The following R3HDM1 variants were observed in gnomAD, a reference collection of about 807,000 sequenced individuals.
R3HDM1 encodes R3H domain containing 1.
A neutral mutation model predicts 141.1 loss-of-function variants in R3HDM1; 46 were observed. The ratio of observed to expected loss-of-function variants is 0.33; its 90% CI spans 0.26 to 0.42. R3HDM1 has a LOEUF of 0.42. R3HDM1 is among the 10% of genes least tolerant of loss of function. The pLI is 1.00. For synonymous variants in R3HDM1, 435 were observed against 472.9 expected (o/e 0.92, Z 1.04); for missense variants, 1,184 against 1,368.3 (o/e 0.87, Z 2.12).
At chr2:135,551,652 T>C (rs1699873713) in intron 1 of R3HDM1, among the ~76,000 whole-genome samples, 1 of 152,238 alleles carries the variant, frequency 6.6e-6, no homozygotes, top group Admixed American at 6.5e-5. Context: ...AAGTAGTATA[T>C]AATTTATAGT....
chr2:135,597,998 T>C (rs1312574912), intron 1 of R3HDM1, among the ~76,000 whole-genome samples: 1 of 152,204 alleles, frequency 6.6e-6, no homozygotes, highest in Non-Finnish European at 1.5e-5. Flanking sequence ...CAGTATTGCA[T>C]TTTTGTTGTT....
At chr2:135,706,531 G>T (rs1034092116) in intron 21 of R3HDM1, among the ~76,000 whole-genome samples, 2 of 152,116 alleles carry the variant, frequency 1.3e-5, no homozygotes, top group African/African-American at 4.8e-5. Flanking sequence ...GCGGCCTTAC[G>T]CAGTGTTTGT....
At chr2:135,541,851 TA>T (rs10558924) in intron 1 of R3HDM1, among the ~76,000 whole-genome samples, 10,910 of 121,832 alleles carry the variant, frequency 0.09, 1,160 homozygotes, top group African/African-American at 0.26. Flanking sequence ...TTCAATTTGT[TA>T]AAAAAAAAAA....
At chr2:135,710,297 AG>A in intron 23 of R3HDM1, 66 bp downstream of exon 23, 1 of 1,491,448 alleles carries the variant, frequency 6.7e-7, no homozygotes, top group East Asian at 2.3e-5. Context: ...TTGACTTATA[AG>A]GCTTGAATTT....
intron 1 of R3HDM1, among the ~76,000 whole-genome samples, chr2:135,597,705 T>G (rs550549245): frequency 1.1e-4 from 16 of 152,336 alleles, no homozygotes; most frequent in African/African-American, 3.4e-4. Context: ...CCCTTTTTTT[T>G]GGGCTTTGCC....
chr2:135,634,266 C>A (rs1047588328), intron 9 of R3HDM1, among the ~76,000 whole-genome samples: 14 of 152,092 alleles, frequency 9.2e-5, no homozygotes, highest in Non-Finnish European at 2.9e-5. Flanking sequence ...CACTTTTAAT[C>A]TCCTTTTGCA....
chr2:135,721,616 C>G (rs2076702355), intron 24 of R3HDM1: 1 of 193,246 alleles, frequency 5.2e-6, no homozygotes, highest in Non-Finnish European at 1.1e-5. Flanking sequence ...GAGACAGTCT[C>G]TCACTCCGTC....
At chr2:135,708,315 A>C (rs998610569) in intron 21 of R3HDM1, among the ~76,000 whole-genome samples, 1 of 152,172 alleles carries the variant, frequency 6.6e-6, no homozygotes, top group African/African-American at 2.4e-5. Flanking sequence ...ATGTTTTTAC[A>C]CATTTGTCTT....
chr2:135,577,008 T>C (rs1316332693), intron 1 of R3HDM1: 1 of 679,322 alleles, frequency 1.5e-6, no homozygotes, highest in Non-Finnish European at 1.8e-6. Context: ...GAATGTATGC[T>C]ATATAAATTA....
At chr2:135,562,576 C>T (rs964159955) in intron 1 of R3HDM1, among the ~76,000 whole-genome samples, 2 of 152,222 alleles carry the variant, frequency 1.3e-5, no homozygotes, top group East Asian at 3.9e-4. Flanking sequence ...ATTGAGAGTT[C>T]ACTTACCAAT....
chr2:135,654,647 C>T (rs1445621262), intron 18 of R3HDM1, among the ~76,000 whole-genome samples: 1 of 152,002 alleles, frequency 6.6e-6, no homozygotes, highest in East Asian at 1.9e-4. Context: ...CGGGGTTTCA[C>T]CATGTTGGCC....
intron 1 of R3HDM1, among the ~76,000 whole-genome samples, chr2:135,600,098 G>A (rs1331653305): frequency 1.4e-5 from 2 of 142,344 alleles, no homozygotes; most frequent in African/African-American, 5.2e-5. Flanking sequence ...TACAAAGTTC[G>A]TATGATTTTT....
chr2:135,605,002 A>C lies in R3HDM1; in HGVS notation c.157A>C (p.Asn53His). The C allele has an allele frequency of 6.3e-7, 1 of 1,598,178 alleles. No individual in the cohort carries two copies. Among genetic ancestry groups the C allele is most frequent in the Non-Finnish European group, 8.5e-7 (1 of 1,169,878 alleles). The change falls in exon 3 of 27, where the codon AAT (asparagine) becomes CAT (histidine). Residue 53 changes from asparagine to histidine, a missense_variant. Asn to His is a moderately conservative substitution (Grantham distance 68). Around this residue, in one of 5 missense-constraint regions of R3HDM1, gnomAD observed 192 missense variants for 215.7 expected, o/e 0.89. Transcript: ENST00000683871. ...GAAGAATGAACATTGTATTGAGAAC[A>C]ATATAGATTTGCAGGTAAACAGGAA... ...VEKNEHCIEN[N>H]IDLQRPLQSF...
At chr2:135,702,678 A>T (rs1420283578) in intron 21 of R3HDM1, among the ~76,000 whole-genome samples, 1 of 150,802 alleles carries the variant, frequency 6.6e-6, no homozygotes, top group Non-Finnish European at 1.5e-5. Flanking sequence ...AATATCAGGC[A>T]TGGTGATGTG....
intron 5 of R3HDM1, among the ~76,000 whole-genome samples, chr2:135,618,541 T>C (rs917374089): frequency 6.6e-6 from 1 of 151,586 alleles, no homozygotes; most frequent in African/African-American, 2.4e-5. Flanking sequence ...AGATGCATTT[T>C]AGCAATGAAA....
chr2:135,684,427 G>A (rs1376338835), intron 21 of R3HDM1, among the ~76,000 whole-genome samples: 1 of 152,138 alleles, frequency 6.6e-6, no homozygotes. Flanking sequence ...GCTTGCACAT[G>A]TGTATATGTA....
chr2:135,612,632 A>T (rs2060652241), intron 3 of R3HDM1, among the ~76,000 whole-genome samples: 2 of 152,168 alleles, frequency 1.3e-5, no homozygotes, highest in Admixed American at 6.6e-5. Flanking sequence ...AAACAATGTA[A>T]ATTATAAATT....
chr2:135,713,893 A>G (rs2105448768), intron 23 of R3HDM1, among the ~76,000 whole-genome samples: 1 of 152,368 alleles, frequency 6.6e-6, no homozygotes, highest in South Asian at 2.1e-4. Context: ...ATGATCATCC[A>G]TAGAATAAAA....
intron 21 of R3HDM1, among the ~76,000 whole-genome samples, chr2:135,699,035 A>AT (rs745595308): frequency 0.058 from 6,147 of 106,146 alleles, 232 homozygotes; most frequent in South Asian, 0.11. Flanking sequence ...AGATAGATAG[A>AT]TAGATAGATA....
Sources: allele counts gnomAD v4.1 joint callset (sites outside exome capture counted in the v4.1 genomes callset), GRCh38; gene constraint gnomAD v4.1.1; regional missense constraint gnomAD v4.1.1; transcripts MANE v1.5; gene names NCBI Gene and HGNC (gene_info 2026-07-23, HGNC 2026-07-21).